The following SLC8A3 variants were observed in gnomAD, a reference collection of about 807,000 sequenced individuals.
SLC8A3 encodes the protein solute carrier family 8 member A3.
A neutral mutation model predicts 65.4 loss-of-function variants in SLC8A3; 37 were observed. The observed-to-expected ratio is 0.57, with a 90% CI of 0.44 to 0.74. The LOEUF (loss-of-function observed/expected upper bound fraction) is 0.74. Among genes scored for constraint, SLC8A3 ranks in the 30% least tolerant of loss-of-function variants. The pLI, the probability that SLC8A3 is intolerant of heterozygous loss-of-function variation, is 0.00. For missense variants in SLC8A3, 1,112 were observed against 1,172.1 expected, an observed-to-expected ratio of 0.95 and a Z score of 0.75; for synonymous variants, 461 against 444.5, an observed-to-expected ratio of 1.04 and a Z score of -0.47.
At chr14:70,076,051 C>A (rs866991548) in intron 2 of SLC8A3, among the ~76,000 whole-genome samples, 2 of 152,190 alleles carry the variant, frequency 1.3e-5, no homozygotes, top group Non-Finnish European at 2.9e-5. Flanking sequence ...CCCACTCCCC[C>A]ACTCACCTTC....
At position 70,044,384 on chromosome 14, in the gene SLC8A3, C is replaced by CCG. The variant is rs1886520795; in HGVS notation, c.*1562_*1563insCG. On this transcript the variant is annotated 3_prime_UTR_variant, in exon 7 of 7. Transcript: ENST00000356921. ...AGGTGTTTTTTAATTTCTTCCCCCCCCCCCTTAGAAAATGTATTTATGTCA... is the reference window on the plus strand; with the variant it reads ...AGGTGTTTTTTAATTTCTTCCCCCCCCGCCCCTTAGAAAATGTATTTATGTCA... The CCG allele has an allele frequency of 7.2e-6, 1 of 138,970 alleles. No homozygotes were observed. Among genetic ancestry groups the CCG allele is most frequent in the African/African-American group, 2.6e-5 (1 of 38,570 alleles). The allele number at this position is 138,970 out of a possible 1,614,324, so 8.6% of individuals were successfully genotyped here.
At chr14:70,065,248 A>T (rs1170293863) in intron 2 of SLC8A3, among the ~76,000 whole-genome samples, 4 of 152,124 alleles carry the variant, frequency 2.6e-5, no homozygotes, top group African/African-American at 7.2e-5. Flanking sequence ...AGAGCTTTGG[A>T]TGTCTACAGA....
At position 70,048,778 on chromosome 14, in the gene SLC8A3, G is replaced by C. The variant is rs764446224; in HGVS notation, c.2378C>G (p.Thr793Ser). ...CCTCTCACTCTCACCTGGGACAGAG[G>C]TGCCAAATGCCACGAAAACAACAGC... ...VTAVVFVAFG[T>S]SVPDTFASKA... The change falls in exon 6 of 7, where the codon ACC becomes AGC. Residue 793 changes from threonine to serine, a missense_variant. By Grantham distance (58) the Thr-to-Ser change is moderately conservative (BLOSUM62 1). Transcript: ENST00000356921. The C allele has an allele frequency of 6.2e-6, 10 of 1,613,860 alleles. No homozygotes were observed. The highest frequency in any genetic ancestry group is 8.5e-6 in the Non-Finnish European group (10 of 1,179,944).
At chr14:70,085,214 G>GGT (rs1004119460) in intron 2 of SLC8A3, among the ~76,000 whole-genome samples, 4 of 152,020 alleles carry the variant, frequency 2.6e-5, no homozygotes, top group Non-Finnish European at 5.9e-5. Flanking sequence ...TCTGAGCACT[G>GGT]GTGTTGGGAA....
At chr14:70,057,922 A>G (rs915803960) in intron 3 of SLC8A3, among the ~76,000 whole-genome samples, 1 of 152,176 alleles carries the variant, frequency 6.6e-6, no homozygotes, top group Non-Finnish European at 1.5e-5. Flanking sequence ...TTTCCTTTCT[A>G]TCCGAAGGCT....
rs552291506 is a variant in SLC8A3 at position 70,116,758 on chromosome 14, G to A, written c.1784+49881C>T. On this transcript the variant is annotated intron_variant, in intron 2 of 6. Coordinates refer to ENST00000356921, the MANE Select transcript of SLC8A3 (RefSeq NM_182932.3). ...AAGGAAGCTGGCACTTGCACAGAAG[G>A]TTTAAAGGGGCACAGCCGAACCTCT... is the stretch of plus-strand genomic sequence containing the variant. 4.6e-5 allele frequency among the ~76,000 whole-genome samples: 7 copies of A among 152,328 alleles called. No homozygotes were observed. The East Asian group carries it at 1.2e-3, about 25-fold the overall frequency.
intron 2 of SLC8A3, among the ~76,000 whole-genome samples, chr14:70,147,633 G>T (rs1376780622): frequency 6.6e-6 from 1 of 152,150 alleles, no homozygotes. Flanking sequence ...CCCTTTAAAA[G>T]ATGTGAGAGA....
chr14:70,080,278 G>A, intron 2 of SLC8A3: 1 of 980,552 alleles, frequency 1.0e-6, no homozygotes, highest in South Asian at 4.7e-5. Flanking sequence ...GGTGGGGAGG[G>A]GAGGGGAAGG....
chr14:70,150,127 G>A (rs1414711511), intron 2 of SLC8A3, among the ~76,000 whole-genome samples: 1 of 152,162 alleles, frequency 6.6e-6, no homozygotes, highest in Non-Finnish European at 1.5e-5. Flanking sequence ...GACATGTCCA[G>A]GATACTAATT....
intron 2 of SLC8A3, among the ~76,000 whole-genome samples, chr14:70,082,197 C>T (rs1025956244): frequency 9.2e-5 from 14 of 152,162 alleles, no homozygotes; most frequent in African/African-American, 3.4e-4. Flanking sequence ...AACCGACTGA[C>T]CCTAAATAGG....
At chr14:70,124,720 A>G (rs1894326242) in intron 2 of SLC8A3, among the ~76,000 whole-genome samples, 1 of 152,206 alleles carries the variant, frequency 6.6e-6, no homozygotes, top group Non-Finnish European at 1.5e-5. Context: ...CAGTCATTCA[A>G]CTCCAGACAT....
intron 2 of SLC8A3, among the ~76,000 whole-genome samples, chr14:70,067,546 A>C (rs1415443971): frequency 6.6e-6 from 1 of 152,158 alleles, no homozygotes; most frequent in Admixed American, 6.5e-5. Context: ...CCTCAAACAT[A>C]ACTTGCTGAG....
chr14:70,093,710 CT>C (rs1461452484), intron 2 of SLC8A3, among the ~76,000 whole-genome samples: 1 of 152,172 alleles, frequency 6.6e-6, no homozygotes, highest in Non-Finnish European at 1.5e-5. Flanking sequence ...CTGATGTCTG[CT>C]TTCTGTCTTT....
Position 70,127,553 on chromosome 14 carries a change from A to ACTG in SLC8A3, c.1784+39083_1784+39085dup, listed in dbSNP as rs201182689. Among the ~76,000 whole-genome samples, 1,482 of 152,262 alleles carry ACTG rather than the reference A, an allele frequency of 9.7e-3. 20 individuals are homozygous for ACTG. Among genetic ancestry groups the ACTG allele is most frequent in the African/African-American group, 0.033 (1,363 of 41,532 alleles). On this transcript the variant is annotated intron_variant, in intron 2 of 6. Transcript: ENST00000356921. ...GATGGGTTAAACTGAACGCTGCCTA[A>ACTG]CTGGGACCAGCACCAGAAAGTGTTT...
At chr14:70,089,102 G>T (rs997345652) in intron 2 of SLC8A3, among the ~76,000 whole-genome samples, 5 of 152,124 alleles carry the variant, frequency 3.3e-5, no homozygotes, top group Non-Finnish European at 5.9e-5. Flanking sequence ...ATTTTGAATG[G>T]TAACTCCTCT....
chr14:70,187,614 TG>T (rs1883398227), intron 1 of SLC8A3, among the ~76,000 whole-genome samples: 1 of 115,446 alleles, frequency 8.7e-6, no homozygotes, highest in Admixed American at 8.4e-5. Context: ...TGTGTGTGTG[TG>T]TGTGTGTGTG....
Position 70,188,460 on chromosome 14 carries a change from C to T in SLC8A3, c.-144G>A, listed in dbSNP as rs1883536851. ...GCGATGCCCCCGCCGCCCGGCGCCT[C>T]ACCGGTCGCAGCGGCTCATCGCCCC... is the stretch of plus-strand genomic sequence containing the variant. On this transcript the variant is annotated 5_prime_UTR_variant, in exon 1 of 7. It removes the in-frame stop codon of an upstream open reading frame in the 5' UTR. Coordinates refer to ENST00000356921, the MANE Select transcript of SLC8A3 (RefSeq NM_182932.3). 6.6e-6 allele frequency: 1 copy of T among 151,976 alleles called. No individual in the cohort carries two copies. The highest frequency in any genetic ancestry group is 1.5e-5 in the Non-Finnish European group (1 of 68,000). 9.4% of individuals were successfully genotyped at this position (151,976 alleles called of 1,614,324 possible).
intron 1 of SLC8A3, among the ~76,000 whole-genome samples, chr14:70,169,985 C>A (rs927863236): frequency 6.6e-6 from 1 of 152,130 alleles, no homozygotes; most frequent in Non-Finnish European, 1.5e-5. Context: ...CCAGCCCAGG[C>A]CACCATCACT....
At position 70,071,558 on chromosome 14, in the gene SLC8A3, G is replaced by A. The variant is rs185955587; in HGVS notation, c.1785-10619C>T. The stretch of plus-strand genomic sequence containing the variant: ...AGGAAACGGGGACCTCCAACCTCAA[G>A]CCACAAGAGACGGGATTCTGCTGAT... On this transcript the variant is annotated intron_variant, in intron 2 of 6. Coordinates refer to ENST00000356921, the MANE Select transcript of SLC8A3 (RefSeq NM_182932.3). 4.2e-4 allele frequency among the ~76,000 whole-genome samples: 64 copies of A among 152,282 alleles called. 1 individual carries two copies. The highest frequency in any genetic ancestry group is 2.3e-3 in the Admixed American group (35 of 15,294).
Sources: allele counts gnomAD v4.1 joint callset (sites outside exome capture counted in the v4.1 genomes callset), GRCh38; gene constraint gnomAD v4.1.1; transcripts MANE v1.5; gene names NCBI Gene and HGNC (gene_info 2026-07-23, HGNC 2026-07-21).